The following PDGFA variants were observed in gnomAD, a reference collection of about 807,000 sequenced individuals.
The protein encoded by PDGFA is platelet-derived growth factor subunit A.
A neutral mutation model predicts 25.6 loss-of-function variants in PDGFA; 9 were observed. That is an observed-to-expected ratio of 0.35 (90% CI 0.21 to 0.61). The LOEUF is 0.61. Among genes scored for constraint, PDGFA ranks in the 20% least tolerant of loss-of-function variants. PDGFA has a pLI of 0.75. For synonymous variants in PDGFA, 133 were observed against 111.8 expected (o/e 1.19, Z -1.20); for missense variants, 242 against 272.8 (o/e 0.89, Z 0.79).
intron 3 of PDGFA, among the ~76,000 whole-genome samples, chr7:511,993 G>A (rs545142976): frequency 6.6e-6 from 1 of 152,326 alleles, no homozygotes; most frequent in Admixed American, 6.5e-5. Context: ...TGGAAATTAG[G>A]CGCGACCACG....
chr7:510,576 CTTGGGCT>C (rs1782757954), intron 4 of PDGFA, among the ~76,000 whole-genome samples: 1 of 39,676 alleles, frequency 2.5e-5, no homozygotes, highest in Non-Finnish European at 4.4e-5. Context: ...AGGGGCGGCC[CTTGGGCT>C]CGGGTGGGGA....
At chr7:512,584 T>G in intron 2 of PDGFA, 129 bp from the exon 3 acceptor site, 8 of 1,549,004 alleles carry the variant, frequency 5.2e-6, no homozygotes, top group Non-Finnish European at 6.1e-6. Flanking sequence ...GCACAGCCCC[T>G]CACAGCTCCC....
At chr7:509,537 G>A (rs1350093602) in intron 4 of PDGFA, among the ~76,000 whole-genome samples, 3 of 152,100 alleles carry the variant, frequency 2.0e-5, no homozygotes, top group Non-Finnish European at 4.4e-5. Flanking sequence ...CGATCCTCCA[G>A]CCTCAGCCTT....
At chr7:497,959 C>CAAAAAAAAAAAAAAAAAAAAAAAAA (rs1166606050) in exon 6 of PDGFA, 21 of 56,700 alleles carry the variant, frequency 3.7e-4, no homozygotes, top group South Asian at 8.5e-4. Flanking sequence ...AAAAAAAAAA[C>CAAAAAAAAAAAAAAAAAAAAAAAAA]AAAAAAAAAA....
intron 4 of PDGFA, among the ~76,000 whole-genome samples, chr7:510,341 C>T (rs149899407): frequency 1.4e-4 from 22 of 152,120 alleles, no homozygotes; most frequent in African/African-American, 4.8e-4. Context: ...CCAGCCACAC[C>T]AGGGGCACCT....
At chr7:513,774 C>G (rs1386971627) in intron 2 of PDGFA, among the ~76,000 whole-genome samples, 1 of 152,172 alleles carries the variant, frequency 6.6e-6, no homozygotes, top group Non-Finnish European at 1.5e-5. Context: ...CTCCGCACCC[C>G]CGAGGAGCCT....
At chr7:520,625 G>C (rs1431410500), upstream of PDGFA, 1 of 152,308 alleles carries the variant, frequency 6.6e-6, no homozygotes. Flanking sequence ...AGGAGCCACC[G>C]GTGAGGGTCC....
intron 4 of PDGFA, among the ~76,000 whole-genome samples, chr7:506,734 C>A (rs769306029): frequency 6.6e-6 from 1 of 152,126 alleles, no homozygotes; most frequent in African/African-American, 2.4e-5. Context: ...CTGTGCCAGG[C>A]AGAGTGCAAG....
At chr7:510,476 GC>G (rs1782749987) in intron 4 of PDGFA, among the ~76,000 whole-genome samples, 1 of 140,410 alleles carries the variant, frequency 7.1e-6, no homozygotes, top group African/African-American at 2.6e-5. Flanking sequence ...GGTAGGGGCG[GC>G]CCCGGGCTCG....
chr7:500,272 G>A lies in PDGFA; in HGVS notation c.580+844C>T, dbSNP rs562376736. Among the ~76,000 whole-genome samples the A allele has an allele frequency of 5.3e-5, 8 of 152,344 alleles. No individual in the cohort carries two copies. The South Asian group carries it at 8.3e-4, about 16-fold the overall frequency. On this transcript the variant is annotated intron_variant, in intron 5 of 5. Transcript: ENST00000402802. This position sits in a 1 kb window ranked among gnomAD's most constrained non-coding sequence, Gnocchi z 5.0. ...GGCGTTCTGCGAGGCAGGAGCGGAC[G>A]GGGAGCAAGGAGACCCAAGCCCAGC...
Position 500,608 on chromosome 7 carries a change from C to T in PDGFA, c.580+508G>A. On this transcript the variant is annotated intron_variant, in intron 5 of 5. Transcript: ENST00000402802. The surrounding 1 kb of genome is among the most constrained non-coding windows in gnomAD (Gnocchi z 5.0). ...TTGTTTATCTTTCCAGAAGAGAAGG[C>T]CAGCACCCTGGCACCGAGAAACTTC... The T allele has an allele frequency of 6.4e-7, 1 of 1,562,764 alleles. No homozygotes were observed. The highest frequency in any genetic ancestry group is 8.6e-7 in the Non-Finnish European group (1 of 1,157,096).
chr7:506,605 C>T (rs887207848), intron 4 of PDGFA, among the ~76,000 whole-genome samples: 2 of 152,214 alleles, frequency 1.3e-5, no homozygotes, highest in Non-Finnish European at 1.5e-5. Context: ...CCAGGCTAGA[C>T]CCCTGCAGTC....
intron 4 of PDGFA, among the ~76,000 whole-genome samples, chr7:508,372 G>A (rs1043252162): frequency 1.3e-5 from 2 of 151,722 alleles, no homozygotes; most frequent in African/African-American, 2.4e-5. Flanking sequence ...TCCAGAGCAG[G>A]CTGGGCAACA....
chr7:519,182 C>T (rs913316208), exon 1 of PDGFA: 2 of 453,102 alleles, frequency 4.4e-6, no homozygotes, highest in African/African-American at 2.1e-5. Flanking sequence ...TGCGGAGAGG[C>T]AGGCAGCGCC....
chr7:510,161 C>T (rs1255035209), intron 4 of PDGFA, among the ~76,000 whole-genome samples: 1 of 152,200 alleles, frequency 6.6e-6, no homozygotes, highest in Non-Finnish European at 1.5e-5. Flanking sequence ...AGGCCCAAAA[C>T]GGCCCCCGCA....
chr7:518,809 G>A (rs758543511), intron 1 of PDGFA, 130 bp downstream of exon 1: 71 of 551,186 alleles, frequency 1.3e-4, no homozygotes, highest in Non-Finnish European at 2.0e-4. Context: ...GAACCCAGTT[G>A]GGAAAATCTA....
exon 6 of PDGFA, chr7:497,928 A>C (rs1395575914): frequency 1.0e-5 from 1 of 98,662 alleles, no homozygotes; most frequent in Non-Finnish European, 2.1e-5. Flanking sequence ...CTTAATAATC[A>C]CTTTATGGTG....
chr7:516,040 G>GCCC (rs1299066097), intron 2 of PDGFA, among the ~76,000 whole-genome samples: 27 of 33,764 alleles, frequency 8.0e-4, no homozygotes, highest in South Asian at 2.9e-3. Flanking sequence ...CCAGGAAGCA[G>GCCC]CCCCCCCCCC....
upstream of PDGFA, chr7:520,007 G>A: frequency 2.7e-6 from 1 of 375,572 alleles, no homozygotes; most frequent in Admixed American, 3.2e-5. Flanking sequence ...CCCGGGCGCC[G>A]CCGCCGCGGC....
Sources: gnomAD v4.1 joint callset for allele counts (sites outside exome capture counted in the v4.1 genomes callset) on GRCh38, gnomAD v4.1.1 for gene constraint, Gnocchi (gnomAD v3.1) non-coding constraint, MANE v1.5 for transcripts, NCBI Gene and HGNC (gene_info 2026-07-23, HGNC 2026-07-21) for gene names.